FOXP1: variants seen among roughly 807,000 people sequenced by gnomAD.
FOXP1 encodes the protein forkhead box protein P1.
Under a neutral mutation model 98.2 loss-of-function variants are expected in FOXP1, and 15 were observed. The observed-to-expected ratio is 0.15, with a 90% CI of 0.10 to 0.24. The LOEUF (loss-of-function observed/expected upper bound fraction) is 0.24. FOXP1 is among the 10% of genes least tolerant of loss of function. The pLI is 1.00. For missense variants in FOXP1, 633 were observed against 848.5 expected, an observed-to-expected ratio of 0.75 and a Z score of 3.15; for synonymous variants, 371 against 314.5, an observed-to-expected ratio of 1.18 and a Z score of -1.90.
chr3:71,391,867 T>C (rs2081061402), intron 3 of FOXP1, among the ~76,000 whole-genome samples: 1 of 152,226 alleles, frequency 6.6e-6, no homozygotes, highest in Non-Finnish European at 1.5e-5. Flanking sequence ...GACCTCATGT[T>C]GGATCAGGAC....
At chr3:71,432,714 T>TC (rs1025076334) in intron 3 of FOXP1, among the ~76,000 whole-genome samples, 4 of 151,244 alleles carry the variant, frequency 2.6e-5, no homozygotes, top group East Asian at 1.9e-4. Flanking sequence ...AAGCACCCTA[T>TC]CCCCCCCATC....
At chr3:71,034,169 C>T (rs1001878250) in intron 11 of FOXP1, among the ~76,000 whole-genome samples, 6 of 152,152 alleles carry the variant, frequency 3.9e-5, no homozygotes, top group East Asian at 3.9e-4. Context: ...AAACTGGCAA[C>T]GGGGATTTTC....
intron 5 of FOXP1, among the ~76,000 whole-genome samples, chr3:71,274,706 G>A (rs1464497): frequency 0.23 from 35,076 of 152,134 alleles, 4,423 homozygotes; most frequent in Non-Finnish European, 0.27. Flanking sequence ...ATACGGAATC[G>A]AAAGTCAGGA....
At chr3:71,270,251 A>C (rs543184231) in intron 5 of FOXP1, among the ~76,000 whole-genome samples, 1 of 152,354 alleles carries the variant, frequency 6.6e-6, no homozygotes, top group African/African-American at 2.4e-5. Context: ...ATTCATGGAA[A>C]CACAGCAAGC....
chr3:71,123,037 T>A (rs912936248), intron 6 of FOXP1, among the ~76,000 whole-genome samples: 3 of 152,204 alleles, frequency 2.0e-5, no homozygotes, highest in African/African-American at 7.2e-5. Context: ...CTTGCTTTTT[T>A]TCAACCAGAC....
At chr3:70,970,453 G>A (rs896304791) in intron 19 of FOXP1, 6 of 446,984 alleles carry the variant, frequency 1.3e-5, no homozygotes. Context: ...TTTGCCTCAA[G>A]TGAAATTCTG....
chr3:71,455,088 A>T (rs936640016), intron 3 of FOXP1, among the ~76,000 whole-genome samples: 1 of 152,180 alleles, frequency 6.6e-6, no homozygotes, highest in African/African-American at 2.4e-5. Context: ...CTTATGAATG[A>T]TATACATCTC....
At chr3:71,482,946 C>G (rs1227551342) in intron 3 of FOXP1, among the ~76,000 whole-genome samples, 2 of 151,906 alleles carry the variant, frequency 1.3e-5, no homozygotes, top group African/African-American at 2.4e-5. Flanking sequence ...ACTATCCCCC[C>G]CACCTCAGCC....
At chr3:70,967,705 TTTTTG>T (rs2035218679) in intron 19 of FOXP1, among the ~76,000 whole-genome samples, 26 of 102,514 alleles carry the variant, frequency 2.5e-4, no homozygotes, top group Admixed American at 4.8e-4. Context: ...TTTTTGTTTT[TTTTTG>T]TTTTTTTTTT....
intron 3 of FOXP1, among the ~76,000 whole-genome samples, chr3:71,377,309 C>T (rs1479591311): frequency 6.6e-6 from 1 of 152,106 alleles, no homozygotes; most frequent in Non-Finnish European, 1.5e-5. Flanking sequence ...ATATTTAACT[C>T]CAGCTTAGGC....
intron 5 of FOXP1, among the ~76,000 whole-genome samples, chr3:71,229,255 G>A (rs930935496): frequency 1.3e-5 from 2 of 152,020 alleles, no homozygotes; most frequent in South Asian, 4.1e-4. Flanking sequence ...CTTTCATTCT[G>A]ATTAATTACT....
intron 14 of FOXP1, among the ~76,000 whole-genome samples, chr3:70,987,495 G>T (rs1276363956): frequency 2.6e-5 from 4 of 152,120 alleles, no homozygotes; most frequent in Non-Finnish European, 5.9e-5. Flanking sequence ...CCATAATTTA[G>T]CCTCTGACTA....
chr3:71,473,872 C>A (rs143764713), intron 3 of FOXP1, among the ~76,000 whole-genome samples: 1 of 152,116 alleles, frequency 6.6e-6, no homozygotes, highest in African/African-American at 2.4e-5. Flanking sequence ...ATAGTGATGA[C>A]GTCCTCATGG....
At chr3:71,008,567 C>T (rs1030995759) in intron 12 of FOXP1, among the ~76,000 whole-genome samples, 2 of 151,988 alleles carry the variant, frequency 1.3e-5, no homozygotes, top group Admixed American at 1.3e-4. Context: ...CACATGATAA[C>T]TCATGGTTGA....
intron 6 of FOXP1, among the ~76,000 whole-genome samples, chr3:71,192,838 C>T (rs1044758712): frequency 3.9e-5 from 6 of 152,162 alleles, no homozygotes; most frequent in South Asian, 2.1e-4. Flanking sequence ...TTTGTAGAGA[C>T]GAGGTTTTGC....
intron 6 of FOXP1, among the ~76,000 whole-genome samples, chr3:71,126,207 G>A (rs1005496221): frequency 7.9e-5 from 12 of 152,058 alleles, no homozygotes; most frequent in South Asian, 2.1e-4. Flanking sequence ...ATTTTTGGCC[G>A]GGCGTGGTGG....
At chr3:71,396,619 A>C (rs2081390112) in intron 3 of FOXP1, among the ~76,000 whole-genome samples, 1 of 151,972 alleles carries the variant, frequency 6.6e-6, no homozygotes, top group African/African-American at 2.4e-5. Flanking sequence ...CCTTCAAGTA[A>C]CACAAATTCC....
intron 5 of FOXP1, among the ~76,000 whole-genome samples, chr3:71,263,303 C>CTAAAAAAA (rs2069333129): frequency 3.9e-5 from 6 of 152,158 alleles, no homozygotes. Context: ...AACAACAAAA[C>CTAAAAAAA]CGAGCCTGTG....
intron 4 of FOXP1, among the ~76,000 whole-genome samples, chr3:71,312,091 A>G (rs558289910): frequency 6.6e-6 from 1 of 152,256 alleles, no homozygotes; most frequent in South Asian, 2.1e-4. Context: ...AATAATAACT[A>G]TAAAGCTCCC....
Sources: gnomAD v4.1 joint callset for allele counts (sites outside exome capture counted in the v4.1 genomes callset) on GRCh38, gnomAD v4.1.1 for gene constraint, MANE v1.5 for transcripts, NCBI Gene and HGNC (gene_info 2026-07-23, HGNC 2026-07-21) for gene names.